Variants in ZNF800 observed in about 807,000 individuals in gnomAD.
ZNF800 encodes the protein zinc finger protein 800.
Under a neutral mutation model 59.5 loss-of-function variants are expected in ZNF800, and 13 were observed. That is an observed-to-expected ratio of 0.22 (90% CI 0.14 to 0.35). The LOEUF (loss-of-function observed/expected upper bound fraction) is 0.35, where lower values mean the gene tolerates loss of function less well. Among genes scored for constraint, ZNF800 ranks in the 10% least tolerant of loss-of-function variants. The pLI is 1.00. For missense variants in ZNF800, 621 were observed against 783.7 expected, an observed-to-expected ratio of 0.79 and a Z score of 2.48; for synonymous variants, 266 against 265.7, an observed-to-expected ratio of 1.00 and a Z score of -0.01.
At chr7:127,348,470 A>C (rs1377069643) in intron 1 of ZNF800, among the ~76,000 whole-genome samples, 1 of 152,118 alleles carries the variant, frequency 6.6e-6, no homozygotes, top group Admixed American at 6.5e-5. Context: ...ACACCCAACA[A>C]TAAGGTATTG....
chr7:127,344,460 T>C (rs981792703), downstream of ZNF800, among the ~76,000 whole-genome samples: 2 of 152,242 alleles, frequency 1.3e-5, no homozygotes, highest in Non-Finnish European at 2.9e-5. Context: ...TAGTCTATAT[T>C]GTTAAAGCAA....
At chr7:127,359,225 C>T (rs899404440) in intron 1 of ZNF800, among the ~76,000 whole-genome samples, 2 of 123,978 alleles carry the variant, frequency 1.6e-5, no homozygotes, top group East Asian at 5.5e-4. Context: ...AGCATGTAAA[C>T]AAATCTAGCT....
At chr7:127,379,763 A>G (rs1562907340) in intron 3 of ZNF800, among the ~76,000 whole-genome samples, 1 of 151,766 alleles carries the variant, frequency 6.6e-6, no homozygotes, top group Non-Finnish European at 1.5e-5. Context: ...AACATCCAAA[A>G]AAAAGTATTT....
At chr7:127,365,568 A>G (rs1267812032), downstream of ZNF800, among the ~76,000 whole-genome samples, 1 of 151,994 alleles carries the variant, frequency 6.6e-6, no homozygotes, top group Non-Finnish European at 1.5e-5. Context: ...ACAAAACAAA[A>G]CTGTCCTGAG....
rs1800627038 is a variant in ZNF800 at position 127,371,343 on chromosome 7, CAT to C, written c.*469_*470del. ...ATACTATTTTGTCTTTTGTTCCTAACATACACTCACTAGAAAATCATATATCT... is the reference window on the plus strand; with the variant it reads ...ATACTATTTTGTCTTTTGTTCCTAACACACTCACTAGAAAATCATATATCT... On this transcript the variant is annotated 3_prime_UTR_variant, in exon 6 of 6. Transcript: ENST00000265827. 1.3e-5 allele frequency: 2 copies of C among 152,846 alleles called. No homozygotes were observed. Among genetic ancestry groups the C allele is most frequent in the Non-Finnish European group, 2.9e-5 (2 of 68,298 alleles). The allele number at this position is 152,846 out of a possible 1,614,324, so 9.5% of individuals were successfully genotyped here. A position where few individuals can be genotyped will look rare whatever the true frequency, so the allele number is the denominator to read the frequency against.
At chr7:127,371,847 G>C (rs1371652541) in intron 5 of ZNF800, 33 bp from the exon 6 acceptor site, 1 of 757,194 alleles carries the variant, frequency 1.3e-6, no homozygotes, top group Non-Finnish European at 2.5e-6. Flanking sequence ...GAACACTTTT[G>C]AGTTTACTAA....
At chr7:127,360,471 T>C (rs1461704184) in intron 1 of ZNF800, 1 of 152,142 alleles carries the variant, frequency 6.6e-6, no homozygotes, top group East Asian at 1.9e-4. Context: ...TATATTTACA[T>C]ATAATCCTTT....
At chr7:127,384,116 TTTTGG>T (rs1422931736) in intron 3 of ZNF800, among the ~76,000 whole-genome samples, 4 of 151,818 alleles carry the variant, frequency 2.6e-5, no homozygotes, top group African/African-American at 4.8e-5. Flanking sequence ...TAAAAAAGAT[TTTTGG>T]AATCTTTTTT....
intron 2 of ZNF800, 125 bp from the exon 3 acceptor site, chr7:127,386,280 A>G: frequency 1.8e-6 from 1 of 558,864 alleles, no homozygotes; most frequent in Non-Finnish European, 3.2e-6. Context: ...GTGCCCGCAC[A>G]CACACACGCA....
At chr7:127,362,803 A>T (rs956156307) in intron 1 of ZNF800, 12 of 152,148 alleles carry the variant, frequency 7.9e-5, no homozygotes, top group African/African-American at 2.9e-4. Flanking sequence ...AAGATAAGTA[A>T]ATTAGTCAAG....
downstream of ZNF800, among the ~76,000 whole-genome samples, chr7:127,344,282 A>T (rs1391168766): frequency 6.6e-5 from 10 of 152,048 alleles, no homozygotes; most frequent in Non-Finnish European, 1.3e-4. Flanking sequence ...AAATGATCCC[A>T]TTCAAATGCA....
intron 1 of ZNF800, chr7:127,363,007 T>C (rs367867160): frequency 2.6e-5 from 4 of 152,118 alleles, no homozygotes; most frequent in South Asian, 2.1e-4. Flanking sequence ...TGGATAGGCA[T>C]TGATCACAGA....
chr7:127,354,435 G>A (rs1161873926), intron 1 of ZNF800, among the ~76,000 whole-genome samples: 3 of 151,644 alleles, frequency 2.0e-5, no homozygotes, highest in South Asian at 2.1e-4. Context: ...ATGGACCAAG[G>A]AACAAAAAAA....
At chr7:127,376,430 T>C (rs1368000070) in intron 4 of ZNF800, among the ~76,000 whole-genome samples, 1 of 151,936 alleles carries the variant, frequency 6.6e-6, no homozygotes, top group African/African-American at 2.4e-5. Context: ...TAAATTTACA[T>C]TAATTCTTTA....
chr7:127,390,384 T>C (rs895540840), intron 2 of ZNF800, among the ~76,000 whole-genome samples: 1 of 152,192 alleles, frequency 6.6e-6, no homozygotes, highest in South Asian at 2.1e-4. Flanking sequence ...CATCCAAGGA[T>C]TGCCTGTTTT....
At chr7:127,362,881 G>T (rs576274860) in intron 1 of ZNF800, 1 of 152,000 alleles carries the variant, frequency 6.6e-6, no homozygotes, top group Admixed American at 6.5e-5. Context: ...ACGGAAGACA[G>T]ATTAGAAAAG....
downstream of ZNF800, among the ~76,000 whole-genome samples, chr7:127,346,448 T>C (rs142800647): frequency 2.0e-5 from 3 of 152,242 alleles, no homozygotes; most frequent in African/African-American, 7.2e-5. Flanking sequence ...TTCTCCAGAG[T>C]TGAGATTTTG....
chr7:127,391,727 G>A (rs1039052077), intron 1 of ZNF800, 112 bp from the exon 2 acceptor site: 2 of 643,080 alleles, frequency 3.1e-6, no homozygotes, highest in East Asian at 2.7e-5. Flanking sequence ...CCACGGACCC[G>A]CACCTCCCTC....
At chr7:127,353,478 C>T (rs1800209308) in intron 1 of ZNF800, among the ~76,000 whole-genome samples, 1 of 152,122 alleles carries the variant, frequency 6.6e-6, no homozygotes, top group African/African-American at 2.4e-5. Context: ...TGTTCAACAA[C>T]TGAATTTTAA....
Sources: allele counts gnomAD v4.1 joint callset (sites outside exome capture counted in the v4.1 genomes callset), GRCh38; gene constraint gnomAD v4.1.1; transcripts MANE v1.5; gene names NCBI Gene and HGNC (gene_info 2026-07-23, HGNC 2026-07-21).